The following CNTN1 variants were observed in gnomAD, a reference collection of about 807,000 sequenced individuals.
CNTN1 encodes the protein contactin 1.
A neutral mutation model predicts 126.4 loss-of-function variants in CNTN1; 38 were observed. That is an observed-to-expected ratio of 0.30 (90% CI 0.23 to 0.39). The LOEUF (loss-of-function observed/expected upper bound fraction) is 0.39. CNTN1 is among the 10% of genes least tolerant of loss of function. CNTN1 has a pLI of 1.00. For missense variants in CNTN1, 1,009 were observed against 1,248.4 expected (o/e 0.81, Z 2.89); for synonymous variants, 413 against 422.6 (o/e 0.98, Z 0.28).
At chr12:41,030,167 A>G (rs1949119199) in intron 23 of CNTN1, among the ~76,000 whole-genome samples, 1 of 152,036 alleles carries the variant, frequency 6.6e-6, no homozygotes, top group Non-Finnish European at 1.5e-5. Context: ...AACTTAAAAT[A>G]AAAGTTAAAT....
At chr12:41,015,842 G>A (rs1238983707) in intron 18 of CNTN1, among the ~76,000 whole-genome samples, 1 of 152,162 alleles carries the variant, frequency 6.6e-6, no homozygotes, top group East Asian at 1.9e-4. Flanking sequence ...GGTGATTAGG[G>A]CTGACATAGA....
intron 1 of CNTN1, among the ~76,000 whole-genome samples, chr12:40,803,766 G>T (rs754106893): frequency 5.9e-5 from 9 of 151,692 alleles, no homozygotes; most frequent in Non-Finnish European, 1.2e-4. Context: ...AGAGGAGAGG[G>T]GAAGAGGGAA....
chr12:40,968,842 TGTTCCCAAA>T (rs1265459593), intron 15 of CNTN1, among the ~76,000 whole-genome samples: 1 of 152,164 alleles, frequency 6.6e-6, no homozygotes, highest in African/African-American at 2.4e-5. Context: ...TGATGTTTAA[TGTTCCCAAA>T]GACAGAAGTC....
chr12:40,882,637 C>A (rs566374957), intron 1 of CNTN1, among the ~76,000 whole-genome samples: 1 of 151,694 alleles, frequency 6.6e-6, no homozygotes, highest in South Asian at 2.1e-4. Flanking sequence ...TGTTGCCCAT[C>A]TCTCAGGATC....
chr12:40,925,539 G>A (rs1945614731), intron 6 of CNTN1, among the ~76,000 whole-genome samples: 1 of 142,680 alleles, frequency 7.0e-6, no homozygotes, highest in South Asian at 2.2e-4. Context: ...TTGTGTGTGT[G>A]TGTGTGTGTA....
Position 40,933,501 on chromosome 12 carries a change from C to A in CNTN1, c.744C>A (p.Phe248Leu). The A allele has an allele frequency of 6.2e-7, 1 of 1,611,786 alleles. No homozygotes were observed. The highest frequency in any genetic ancestry group is 1.1e-5 in the South Asian group (1 of 91,022). ...KPYPADIVVQ[F>L]KDVYALMGQN... ...ATCCTGCTGATATTGTAGTTCAGTT[C>A]AAGGATGTATATGCATTGATGGGCC... is the stretch of plus-strand genomic sequence containing the variant. Residue 248 changes from phenylalanine (F) to leucine (L), a missense_variant, in exon 8 of 24, where the codon TTC (phenylalanine) becomes TTA (leucine). Transcript: ENST00000551295.
At chr12:40,787,161 A>G (rs1259989725) in intron 1 of CNTN1, among the ~76,000 whole-genome samples, 1 of 152,120 alleles carries the variant, frequency 6.6e-6, no homozygotes, top group East Asian at 1.9e-4. Flanking sequence ...TGTTCATCTT[A>G]TTTATAATAT....
rs540266084 is a variant in CNTN1, at chr12:40,777,389, T to C, written c.-77+84797T>C. On this transcript the variant is annotated intron_variant, in intron 1 of 23. Coordinates refer to ENST00000551295, the MANE Select transcript of CNTN1 (RefSeq NM_001843.4). The stretch of plus-strand genomic sequence containing the variant: ...GGAAGGGAAAGGCTAATGTTACATA[T>C]GCTGTCTGGGAACACAGCATTTCCT... 1.5e-4 allele frequency among the ~76,000 whole-genome samples: 23 copies of C among 151,822 alleles called. No individual in the cohort carries two copies. In the East Asian group the frequency reaches 4.1e-3, roughly 27 times the overall value.
intron 12 of CNTN1, among the ~76,000 whole-genome samples, chr12:40,940,002 T>C (rs937264706): frequency 1.3e-5 from 2 of 152,288 alleles, no homozygotes; most frequent in Non-Finnish European, 2.9e-5. Context: ...ACCAATGTTT[T>C]GGTGGTTTGG....
chr12:41,069,261 T>TA lies in CNTN1; in HGVS notation c.2981-693dup, dbSNP rs1173105718. On this transcript the variant is annotated intron_variant, in intron 23 of 23. Transcript: ENST00000551295. The stretch of plus-strand genomic sequence containing the variant: ...TATCTCAGGGCAATTGTTCTTTAGA[T>TA]AAAAATTGAATGAGATTATTTAATA... Among the ~76,000 whole-genome samples, 14 of 152,220 alleles carry TA rather than the reference T, an allele frequency of 9.2e-5. No individual in the cohort carries two copies. The East Asian group carries it at 2.7e-3, about 29-fold the overall frequency.
At chr12:40,918,882 C>T in intron 4 of CNTN1, 111 bp downstream of exon 4, 1 of 1,318,226 alleles carries the variant, frequency 7.6e-7, no homozygotes, top group South Asian at 1.2e-5. Flanking sequence ...ATTCCATGGA[C>T]ATTAACAAAA....
chr12:41,022,231 C>T (rs1215424477), intron 20 of CNTN1, among the ~76,000 whole-genome samples: 1 of 152,168 alleles, frequency 6.6e-6, no homozygotes, highest in Middle Eastern at 3.4e-3. Flanking sequence ...GGGAACTAAA[C>T]CTTGATTAAG....
intron 1 of CNTN1, among the ~76,000 whole-genome samples, chr12:40,850,022 C>A (rs577245741): frequency 2.0e-5 from 3 of 151,918 alleles, no homozygotes; most frequent in East Asian, 3.9e-4. Context: ...AGTTAAGAAT[C>A]AATTCCAATC....
At chr12:40,798,744 T>C (rs1310296626) in intron 1 of CNTN1, among the ~76,000 whole-genome samples, 1 of 151,468 alleles carries the variant, frequency 6.6e-6, no homozygotes, top group Non-Finnish European at 1.5e-5. Flanking sequence ...CACCAGAGGG[T>C]GGAGGGTGGG....
At chr12:40,858,766 GTA>G (rs1410965140) in intron 1 of CNTN1, among the ~76,000 whole-genome samples, 1 of 152,138 alleles carries the variant, frequency 6.6e-6, no homozygotes, top group African/African-American at 2.4e-5. Flanking sequence ...AGAAAATGTG[GTA>G]TATATACACC....
At position 40,867,224 on chromosome 12, in the gene CNTN1, T is replaced by C. The variant is rs188674508; in HGVS notation, c.-76-41133T>C. Among the ~76,000 whole-genome samples the C allele has an allele frequency of 2.0e-3, 309 of 152,192 alleles. 1 individual carries two copies. Among genetic ancestry groups the C allele is most frequent in the Middle Eastern group, 6.8e-3 (2 of 294 alleles). On this transcript the variant is annotated intron_variant, in intron 1 of 23. Coordinates refer to ENST00000551295, the MANE Select transcript of CNTN1 (RefSeq NM_001843.4). ...CAGGAAATGCATCCACTTGGTCTAG[T>C]GACATAGAAACTAAAAAGACAAGGT...
intron 15 of CNTN1, among the ~76,000 whole-genome samples, chr12:40,973,344 G>A (rs900481221): frequency 6.6e-5 from 10 of 152,180 alleles, no homozygotes; most frequent in African/African-American, 2.4e-4. Flanking sequence ...TTCAAGGCAA[G>A]AACAAGCCTG....
chr12:40,823,187 G>A (rs1393009214), intron 1 of CNTN1, among the ~76,000 whole-genome samples: 1 of 151,472 alleles, frequency 6.6e-6, no homozygotes, highest in East Asian at 1.9e-4. Context: ...TTTAAAATTA[G>A]TTGTGATTAC....
chr12:40,895,301 G>T (rs1944371840), intron 1 of CNTN1, among the ~76,000 whole-genome samples: 1 of 152,174 alleles, frequency 6.6e-6, no homozygotes, highest in African/African-American at 2.4e-5. Flanking sequence ...ATGCATGGAA[G>T]TATCCTCAGT....
Sources: allele counts gnomAD v4.1 joint callset (sites outside exome capture counted in the v4.1 genomes callset), GRCh38; gene constraint gnomAD v4.1.1; transcripts MANE v1.5; gene names NCBI Gene and HGNC (gene_info 2026-07-23, HGNC 2026-07-21).